RALB: variants seen among roughly 807,000 people sequenced by gnomAD.
The protein encoded by RALB is ras-related protein Ral-B.
A neutral mutation model predicts 21.3 loss-of-function variants in RALB; 16 were observed. That is an observed-to-expected ratio of 0.75 (90% CI 0.51 to 1.14). RALB has a LOEUF of 1.14. Among genes scored for constraint, RALB ranks in the 50% most tolerant of loss-of-function variants. The pLI, the probability that RALB is intolerant of heterozygous loss-of-function variation, is 0.00. For missense variants in RALB, 161 were observed against 256.2 expected, an observed-to-expected ratio of 0.63 and a Z score of 2.54; for synonymous variants, 93 against 96.1, an observed-to-expected ratio of 0.97 and a Z score of 0.19.
At chr2:120,293,086 T>C in intron 4 of RALB, 55 bp from the exon 5 acceptor site, 1 of 1,515,150 alleles carries the variant, frequency 6.6e-7, no homozygotes, top group Admixed American at 2.4e-5. Context: ...AAGAAAAAAA[T>C]CATTAAATGG....
intron 1 of RALB, among the ~76,000 whole-genome samples, chr2:120,277,609 TGA>T (rs1418756211): frequency 1.3e-5 from 2 of 151,992 alleles, no homozygotes; most frequent in Non-Finnish European, 2.9e-5. Flanking sequence ...GTGTGTGTTG[TGA>T]GAGCATGTGA....
upstream of RALB, among the ~76,000 whole-genome samples, chr2:120,248,336 T>A (rs1000272343): frequency 1.6e-4 from 24 of 152,172 alleles, no homozygotes; most frequent in Non-Finnish European, 5.9e-5. Context: ...CTGGCTGATG[T>A]TCTGGGAAAT....
intron 2 of RALB, chr2:120,280,882 A>T (rs1407189326): frequency 2.3e-6 from 1 of 443,612 alleles, no homozygotes; most frequent in South Asian, 1.6e-5. Flanking sequence ...TATACAGCAA[A>T]CAAAAAAGTA....
chr2:120,274,679 C>G (rs904346343), intron 1 of RALB, among the ~76,000 whole-genome samples: 2 of 151,974 alleles, frequency 1.3e-5, no homozygotes, highest in African/African-American at 4.8e-5. Flanking sequence ...ATCATAGGTG[C>G]TTTTTATGTG....
chr2:120,245,035 A>G (rs1688948964), intron 1 of RALB, among the ~76,000 whole-genome samples: 1 of 152,200 alleles, frequency 6.6e-6, no homozygotes, highest in South Asian at 2.1e-4. Flanking sequence ...GTGCCCACTC[A>G]GGAAGAGGGA....
Position 120,278,679 on chromosome 2 carries a change from G to C in RALB, c.15G>C (p.Lys5Asn). 1 of 1,598,142 alleles carries C rather than the reference G, an allele frequency of 6.3e-7. No individual in the cohort carries two copies. Among genetic ancestry groups the C allele is most frequent in the Non-Finnish European group, 8.5e-7 (1 of 1,171,674 alleles). The change falls in exon 2 of 5, where the codon AAG becomes AAC. Residue 5 changes from lysine to asparagine, a missense_variant. Physicochemically the swap from Lys to Asn is moderately conservative, Grantham distance 94. Coordinates refer to ENST00000272519, the MANE Select transcript of RALB (RefSeq NM_002881.3). ...AGACCAGCGAGATGGCTGCCAACAA[G>C]AGTAAGGGCCAGAGCTCCTTGGCCC... MAAN[K>N]SKGQSSLALH...
upstream of RALB, among the ~76,000 whole-genome samples, chr2:120,250,425 A>T (rs1689036257): frequency 6.6e-6 from 1 of 152,156 alleles, no homozygotes; most frequent in African/African-American, 2.4e-5. Context: ...CCTAGAAATG[A>T]TTATGTGTCA....
chr2:120,253,157 C>G (rs1246478631), intron 1 of RALB, 177 bp downstream of exon 1: 1 of 376,306 alleles, frequency 2.7e-6, no homozygotes, highest in African/African-American at 2.2e-5. Context: ...CCCCGCTCCG[C>G]TCCGGGAGGA....
At chr2:120,285,570 T>TAAAAA (rs9308778) in intron 2 of RALB, among the ~76,000 whole-genome samples, 15,313 of 151,468 alleles carry the variant, frequency 0.1, 830 homozygotes, top group Non-Finnish European at 0.12. Flanking sequence ...AAAGTATAAT[T>TAAAAA]AAAAAAGAAT....
At position 120,252,948 on chromosome 2, in the gene RALB, T is replaced by TGCGGACG. The variant is rs1475489978; in HGVS notation, c.-74_-68dup. 1.0e-6 allele frequency: 1 copy of TGCGGACG among 984,338 alleles called. No homozygotes were observed. Among genetic ancestry groups the TGCGGACG allele is most frequent in the Non-Finnish European group, 1.2e-6 (1 of 830,034 alleles). The allele number at this position is 984,338 out of a possible 1,614,324, so 61.0% of individuals were successfully genotyped here. A position where few individuals can be genotyped will look rare whatever the true frequency, so the allele number is the denominator to read the frequency against. On this transcript the variant is annotated 5_prime_UTR_variant, in exon 1 of 5. Transcript: ENST00000272519. ...GCGCGTTTAAGAGCTGCGGGCCGGG[T>TGCGGACG]GCGGACGGCGGAGGCGGCGGGACTG...
intron 1 of RALB, among the ~76,000 whole-genome samples, chr2:120,240,619 G>A (rs1171761918): frequency 1.3e-5 from 2 of 152,056 alleles, no homozygotes; most frequent in Non-Finnish European, 2.9e-5. Flanking sequence ...TTTGAACCCA[G>A]GTCTGTGTGG....
intron 1 of RALB, among the ~76,000 whole-genome samples, chr2:120,244,080 C>A (rs114155774): frequency 1.3e-5 from 2 of 152,070 alleles, no homozygotes; most frequent in Non-Finnish European, 2.9e-5. Flanking sequence ...CACATGGCAA[C>A]AGGAGACAGA....
chr2:120,288,085 T>A (rs1000965790), intron 3 of RALB, among the ~76,000 whole-genome samples: 2 of 152,160 alleles, frequency 1.3e-5, no homozygotes, highest in Non-Finnish European at 2.9e-5. Flanking sequence ...GGTACTCCCA[T>A]TTTTGGATCG....
At chr2:120,275,908 T>C (rs1427212438) in intron 1 of RALB, among the ~76,000 whole-genome samples, 1 of 151,874 alleles carries the variant, frequency 6.6e-6, no homozygotes, top group Non-Finnish European at 1.5e-5. Flanking sequence ...GGAAAAAGGG[T>C]TGCCATCCTG....
chr2:120,246,447 T>C (rs1268958555), intron 1 of RALB, among the ~76,000 whole-genome samples: 2 of 152,142 alleles, frequency 1.3e-5, no homozygotes. Context: ...GGGTCTCCTC[T>C]ATGAAGTGAG....
chr2:120,279,081 A>C (rs1188031293), intron 2 of RALB, among the ~76,000 whole-genome samples: 1 of 152,224 alleles, frequency 6.6e-6, no homozygotes, highest in African/African-American at 2.4e-5. Context: ...GCCTTTGTAC[A>C]GATTTTCCAA....
At chr2:120,290,118 C>A (rs1690272289) in intron 4 of RALB, among the ~76,000 whole-genome samples, 1 of 152,208 alleles carries the variant, frequency 6.6e-6, no homozygotes, top group Non-Finnish European at 1.5e-5. Context: ...CCTACCTCAG[C>A]CTCCCAAGTA....
At chr2:120,290,777 T>A (rs1690287989) in intron 4 of RALB, among the ~76,000 whole-genome samples, 1 of 152,236 alleles carries the variant, frequency 6.6e-6, no homozygotes, top group Non-Finnish European at 1.5e-5. Context: ...TTAGGCCTTT[T>A]TTCTTTTTAA....
chr2:120,289,241 TTTG>T (rs1436150159), intron 3 of RALB, among the ~76,000 whole-genome samples: 20 of 93,514 alleles, frequency 2.1e-4, no homozygotes, highest in African/African-American at 3.0e-4. Context: ...TTTTCTTCTT[TTTG>T]TTTTTTTTTT....
Sources: allele counts gnomAD v4.1 joint callset (sites outside exome capture counted in the v4.1 genomes callset), GRCh38; gene constraint gnomAD v4.1.1; transcripts MANE v1.5; gene names NCBI Gene and HGNC (gene_info 2026-07-23, HGNC 2026-07-21).